The following ADAMTS2 variants were observed in gnomAD, a reference collection of about 807,000 sequenced individuals.
ADAMTS2 encodes the protein A disintegrin and metalloproteinase with thrombospondin motifs 2.
Under a neutral mutation model 123.0 loss-of-function variants are expected in ADAMTS2, and 50 were observed. The observed-to-expected ratio is 0.41, with a 90% CI of 0.32 to 0.51. ADAMTS2 has a LOEUF of 0.51. Among genes scored for constraint, ADAMTS2 ranks in the 20% least tolerant of loss-of-function variants. The probability of loss-of-function intolerance (pLI) is 0.35; values close to 1 mark genes in which losing one functional copy is unlikely to be tolerated. For missense variants in ADAMTS2, 1,494 were observed against 1,705.2 expected (o/e 0.88, Z 2.18); for synonymous variants, 678 against 695.4 (o/e 0.98, Z 0.39).
At position 179,122,967 on chromosome 5, in the gene ADAMTS2, A is replaced by C. The variant is rs11956212; in HGVS notation, c.2959-194T>G. ...CCCCAATCTCCTGGGGCTCTAAAGA[A>C]GGGACCCACATGCCTGTCTCTCTGA... On this transcript the variant is annotated intron_variant, in intron 19 of 21. Coordinates refer to ENST00000251582, the MANE Select transcript of ADAMTS2 (RefSeq NM_014244.5). The C allele has an allele frequency of 0.012, 8,765 of 737,254 alleles. 547 individuals are homozygous for C. The African/African-American group carries it at 0.13, about 11-fold the overall frequency. The allele number at this position is 737,254 out of a possible 1,614,324, so 45.7% of individuals were successfully genotyped here. A position where few individuals can be genotyped will look rare whatever the true frequency, so the allele number is the denominator to read the frequency against.
chr5:179,311,933 TAAC>T (rs1561726173), intron 2 of ADAMTS2, among the ~76,000 whole-genome samples: 1 of 152,204 alleles, frequency 6.6e-6, no homozygotes, highest in East Asian at 1.9e-4. Context: ...ATTTTTCATT[TAAC>T]AACACTCTGC....
At chr5:179,160,055 G>A (rs1307889681) in intron 5 of ADAMTS2, among the ~76,000 whole-genome samples, 5 of 152,150 alleles carry the variant, frequency 3.3e-5, no homozygotes, top group African/African-American at 1.2e-4. Context: ...GATTTATCTG[G>A]CCATAAAATA....
intron 3 of ADAMTS2, among the ~76,000 whole-genome samples, chr5:179,250,157 A>C (rs895778783): frequency 6.6e-6 from 1 of 152,200 alleles, no homozygotes; most frequent in Non-Finnish European, 1.5e-5. Flanking sequence ...GTGATCAAAA[A>C]ATACTCAAGA....
At chr5:179,215,077 T>C (rs1415892706) in intron 3 of ADAMTS2, among the ~76,000 whole-genome samples, 1 of 152,164 alleles carries the variant, frequency 6.6e-6, no homozygotes, top group Non-Finnish European at 1.5e-5. Flanking sequence ...ATTAATGCAG[T>C]GTATTATAAA....
Position 179,327,728 on chromosome 5 carries a change from A to C in ADAMTS2, c.534+16039T>G, listed in dbSNP as rs531357970. ...CTACCACCACCAGCATTCACAGAAG[A>C]AGCAGCACCTGGTTCTCAATTCCCT... On this transcript the variant is annotated intron_variant, in intron 2 of 21. Transcript: ENST00000251582. 3.9e-4 allele frequency among the ~76,000 whole-genome samples: 60 copies of C among 152,348 alleles called. 1 individual carries two copies. In the South Asian group the frequency reaches 6.8e-3, roughly 17 times the overall value.
intron 3 of ADAMTS2, among the ~76,000 whole-genome samples, chr5:179,241,948 G>A (rs1241148188): frequency 6.6e-6 from 1 of 152,128 alleles, no homozygotes; most frequent in African/African-American, 2.4e-5. Context: ...TGGTGGATGG[G>A]TAATTCATGC....
In ADAMTS2 at chr5:179,234,305, C is replaced by T. The variant is rs1765478300; in HGVS notation, c.689-26590G>A. Reference sequence around the variant, plus strand: ...GGCAGTCCTCAGGTGACTTCTCCAGCTCTGCATGGAGAAGGCCTCACCATG... The same window carrying T: ...GGCAGTCCTCAGGTGACTTCTCCAGTTCTGCATGGAGAAGGCCTCACCATG... On this transcript the variant is annotated intron_variant, in intron 3 of 21. Coordinates refer to ENST00000251582, the MANE Select transcript of ADAMTS2 (RefSeq NM_014244.5). The surrounding 1 kb of genome is among the most constrained non-coding windows in gnomAD (Gnocchi z 4.7). Among the ~76,000 whole-genome samples the T allele has an allele frequency of 6.6e-6, 1 of 152,156 alleles. No individual in the cohort carries two copies. Among genetic ancestry groups the T allele is most frequent in the African/African-American group, 2.4e-5 (1 of 41,428 alleles).
intron 2 of ADAMTS2, among the ~76,000 whole-genome samples, chr5:179,283,011 C>T (rs465379): frequency 6.6e-6 from 1 of 152,120 alleles, no homozygotes; most frequent in South Asian, 2.1e-4. Context: ...AACCCTGCTG[C>T]TAGAGAATGC....
rs1444594441 is a variant in ADAMTS2, at chr5:179,273,028, T to C, written c.571A>G (p.Ile191Val). The C allele has an allele frequency of 6.2e-7, 1 of 1,613,376 alleles. No individual in the cohort carries two copies. Among genetic ancestry groups the C allele is most frequent in the African/African-American group, 1.3e-5 (1 of 74,894 alleles). The stretch of plus-strand genomic sequence containing the variant: ...GCCAGCCCCTTCTCCAAGGGTTCGA[T>C]GAAGAACTCCTCCTCCTCCATCCGG... ...LIRMEEEEFFIEPLEKGLAAQ... is the reference protein window; with the variant it reads ...LIRMEEEEFFVEPLEKGLAAQ... Residue 191 changes from isoleucine to valine, a missense_variant, in exon 3 of 22, where the codon ATC (isoleucine) becomes GTC (valine). Coordinates refer to ENST00000251582, the MANE Select transcript of ADAMTS2 (RefSeq NM_014244.5).
intron 3 of ADAMTS2, among the ~76,000 whole-genome samples, chr5:179,222,894 C>T (rs1211298036): frequency 6.6e-6 from 1 of 152,202 alleles, no homozygotes; most frequent in African/African-American, 2.4e-5. Flanking sequence ...TCTCCCAGGG[C>T]AGGAGCACCC....
intron 2 of ADAMTS2, among the ~76,000 whole-genome samples, chr5:179,334,739 A>G (rs1289566398): frequency 6.6e-6 from 1 of 152,236 alleles, no homozygotes; most frequent in Admixed American, 6.5e-5. Context: ...AATGAGTTCA[A>G]TCAAGCTGCT....
chr5:179,215,884 C>T (rs1318288089), intron 3 of ADAMTS2, among the ~76,000 whole-genome samples: 1 of 152,154 alleles, frequency 6.6e-6, no homozygotes, highest in Non-Finnish European at 1.5e-5. Flanking sequence ...GGAAAGCCTT[C>T]AGAATTCTGA....
intron 4 of ADAMTS2, among the ~76,000 whole-genome samples, chr5:179,186,716 CAG>C (rs1425966455): frequency 6.6e-6 from 1 of 152,186 alleles, no homozygotes; most frequent in Non-Finnish European, 1.5e-5. Context: ...CAACTGAAGA[CAG>C]AAGGCGACCT....
In ADAMTS2 at chr5:179,153,528, C is replaced by A; in HGVS notation, c.1478G>T (p.Arg493Leu). Residue 493 changes from arginine to leucine, a missense_variant, in exon 9 of 22, where the codon CGC becomes CTC. Transcript: ENST00000251582. ...CATGTAGCCCAGGCCGAAGTCAAAG[C>A]GGCATTGCTCGTTCATGGAGTAGTG... Reference protein sequence around the residue: ...GLHYSMNEQCRFDFGLGYMMC... With the variant: ...GLHYSMNEQCLFDFGLGYMMC... The A allele has an allele frequency of 1.9e-6, 3 of 1,610,876 alleles. No homozygotes were observed. The highest frequency in any genetic ancestry group is 8.5e-7 in the Non-Finnish European group (1 of 1,179,894).
At position 179,113,934 on chromosome 5, in the gene ADAMTS2, G is replaced by A; in HGVS notation, c.3569C>T (p.Thr1190Ile). 6.2e-7 allele frequency: 1 copy of A among 1,614,114 alleles called. No homozygotes were observed. The highest frequency in any genetic ancestry group is 8.5e-7 in the Non-Finnish European group (1 of 1,180,024). The change falls in exon 22 of 22, where the codon ACC becomes ATC. Residue 1190 changes from threonine to isoleucine, a missense_variant. By Grantham distance (89) the Thr-to-Ile change is moderately conservative (BLOSUM62 -1). Coordinates refer to ENST00000251582, the MANE Select transcript of ADAMTS2 (RefSeq NM_014244.5). ...GAGCTCTTGGATTCTTTGGTTTCTG[G>A]TCTTTTCATAGGGGCTCGGTCGTCG... The part of the protein sequence containing the change: ...IPRRPSPYEK[T>I]RNQRIQELID...
intron 2 of ADAMTS2, among the ~76,000 whole-genome samples, chr5:179,274,545 C>CA (rs1281762680): frequency 6.6e-6 from 1 of 152,266 alleles, no homozygotes; most frequent in Non-Finnish European, 1.5e-5. Context: ...CACACCCCCC[C>CA]CAAAGTAACC....
rs1762896813 is a variant in ADAMTS2, at chr5:179,128,299, A to G, written c.2458-181T>C. On this transcript the variant is annotated intron_variant, in intron 16 of 21. Transcript: ENST00000251582. The surrounding 1 kb of genome is among the most constrained non-coding windows in gnomAD (Gnocchi z 4.9). ...AGGGAGCCATTACCCCAGGGGGCAC[A>G]GGGTGAGGTTCCTGTGAGCCTCTGT... 6.6e-6 allele frequency among the ~76,000 whole-genome samples: 1 copy of G among 152,218 alleles called. No homozygotes were observed. The highest frequency in any genetic ancestry group is 2.1e-4 in the South Asian group (1 of 4,834).
chr5:179,201,629 T>TGC (rs1764567021), intron 4 of ADAMTS2, among the ~76,000 whole-genome samples: 1 of 11,456 alleles, frequency 8.7e-5, no homozygotes, highest in Non-Finnish European at 1.8e-4. Context: ...TTACTAAAAA[T>TGC]ACAAAAAAAA....
intron 17 of ADAMTS2, among the ~76,000 whole-genome samples, chr5:179,127,229 C>T (rs1347946112): frequency 6.6e-6 from 1 of 152,120 alleles, no homozygotes; most frequent in African/African-American, 2.4e-5. Context: ...CAGGAATCAC[C>T]AGGGGTGGAT....
Sources: gnomAD v4.1 joint callset for allele counts (sites outside exome capture counted in the v4.1 genomes callset) on GRCh38, gnomAD v4.1.1 for gene constraint, Gnocchi (gnomAD v3.1) non-coding constraint, MANE v1.5 for transcripts, NCBI Gene and HGNC (gene_info 2026-07-23, HGNC 2026-07-21) for gene names.